THSD4: variants seen among roughly 807,000 people sequenced by gnomAD.
THSD4 encodes thrombospondin type-1 domain-containing protein 4.
A neutral mutation model predicts 119.0 loss-of-function variants in THSD4; 69 were observed. That is an observed-to-expected ratio of 0.58 (90% confidence interval 0.48 to 0.71). The LOEUF (loss-of-function observed/expected upper bound fraction) is 0.71. THSD4 is among the 30% of genes least tolerant of loss of function. THSD4 has a pLI of 0.00. For synonymous variants in THSD4, 524 were observed against 540.4 expected (o/e 0.97, Z 0.42); for missense variants, 1,393 against 1,391.1 (o/e 1.00, Z -0.02).
intron 7 of THSD4, among the ~76,000 whole-genome samples, chr15:71,634,206 AAAAG>A (rs775470886): frequency 2.7e-5 from 4 of 150,692 alleles, no homozygotes; most frequent in Non-Finnish European, 4.4e-5. Context: ...AAAAAAAAGA[AAAAG>A]AAAAAGAAAT....
rs556470949 is a variant in THSD4, at chr15:71,235,639, G to A, written c.465-7010G>A. Among the ~76,000 whole-genome samples, 104 of 144,520 alleles carry A rather than the reference G, an allele frequency of 7.2e-4. 1 individual carries two copies. The highest frequency in any genetic ancestry group is 1.1e-3 in the Non-Finnish European group (71 of 67,074). The allele number at this position is 144,520 out of a possible 152,430, so 94.8% of individuals were successfully genotyped here. ...GTCTTGCTCTGTTGCCCAGGCTGGC[G>A]TGCAGTGGCACGATCTCAGCTCACT... On this transcript the variant is annotated intron_variant, in intron 4 of 17. Coordinates refer to ENST00000261862, the MANE Select transcript of THSD4 (RefSeq NM_024817.3).
intron 8 of THSD4, among the ~76,000 whole-genome samples, chr15:71,678,277 G>A (rs1041950057): frequency 2.0e-5 from 3 of 152,184 alleles, no homozygotes; most frequent in South Asian, 2.1e-4. Context: ...TTTAAACAAC[G>A]TTTAATAAAT....
At chr15:71,484,617 A>G (rs1184147522) in intron 7 of THSD4, among the ~76,000 whole-genome samples, 2 of 152,194 alleles carry the variant, frequency 1.3e-5, no homozygotes, top group African/African-American at 2.4e-5. Flanking sequence ...GGAGGTTTGA[A>G]CTTGGGAAGG....
At chr15:71,663,216 C>A (rs951287277) in intron 8 of THSD4, among the ~76,000 whole-genome samples, 2 of 151,804 alleles carry the variant, frequency 1.3e-5, no homozygotes, top group Non-Finnish European at 2.9e-5. Flanking sequence ...CGTGCCACTG[C>A]ACTCCAGCCT....
At chr15:71,215,434 C>T in intron 4 of THSD4, 35 bp downstream of exon 4, 1 of 1,483,348 alleles carries the variant, frequency 6.7e-7, no homozygotes, top group Non-Finnish European at 8.9e-7. Context: ...CGCTCCCCGT[C>T]CCTGTCCCAG....
At position 71,779,475 on chromosome 15, in the gene THSD4, T is replaced by A. The variant is rs1484421646; in HGVS notation, c.*2101T>A. 1.3e-5 allele frequency: 2 copies of A among 152,196 alleles called. No individual in the cohort carries two copies. The highest frequency in any genetic ancestry group is 2.9e-5 in the Non-Finnish European group (2 of 68,054). 9.4% of individuals were successfully genotyped at this position (152,196 alleles called of 1,614,324 possible). On this transcript the variant is annotated 3_prime_UTR_variant, in exon 18 of 18. Coordinates refer to ENST00000261862, the MANE Select transcript of THSD4 (RefSeq NM_024817.3). ...ATGCTGGAGGGCAGGCTAAGATCAA[T>A]GAGTGGAAGAGAGAAAGGCTGTTTT...
At chr15:71,453,279 T>C (rs543351665) in intron 7 of THSD4, among the ~76,000 whole-genome samples, 26 of 151,722 alleles carry the variant, frequency 1.7e-4, no homozygotes, top group Non-Finnish European at 3.1e-4. Context: ...CTCTACAATG[T>C]AGCTTACAGG....
chr15:71,725,772 G>T (rs1465066222), intron 8 of THSD4, among the ~76,000 whole-genome samples: 1 of 152,128 alleles, frequency 6.6e-6, no homozygotes. Flanking sequence ...TTAGTGGGAA[G>T]TGAGAAAATG....
chr15:71,461,993 A>G (rs751846265), intron 7 of THSD4, among the ~76,000 whole-genome samples: 2 of 152,140 alleles, frequency 1.3e-5, no homozygotes, highest in African/African-American at 4.8e-5. Context: ...GCCAACTCCC[A>G]TGAGTTGGAA....
At chr15:71,100,611 T>C (rs899062642) in intron 1 of THSD4, among the ~76,000 whole-genome samples, 3 of 152,174 alleles carry the variant, frequency 2.0e-5, no homozygotes, top group South Asian at 2.1e-4. Context: ...TGAGCTAAGT[T>C]TGTGATAATT....
chr15:71,243,041 C>G lies in THSD4; in HGVS notation c.857C>G (p.Ser286Cys), dbSNP rs778201542. 3.1e-6 allele frequency: 5 copies of G among 1,614,098 alleles called. No homozygotes were observed. Among genetic ancestry groups the G allele is most frequent in the Admixed American group, 1.7e-5 (1 of 60,006 alleles). Reference protein sequence around the residue: ...ATQSFSQPARSTAISCIGAYR... With the variant: ...ATQSFSQPARCTAISCIGAYR... ...CAGAGCTTCTCTCAGCCTGCCCGAT[C>G]TACAGCAATCTCATGCATCGGGGCC... The change falls in exon 5 of 18, where the codon TCT becomes TGT. Residue 286 changes from serine to cysteine, a missense_variant. Ser to Cys is a moderately radical substitution (Grantham distance 112). Coordinates refer to ENST00000261862, the MANE Select transcript of THSD4 (RefSeq NM_024817.3).
At position 71,242,869 on chromosome 15, in the gene THSD4, A is replaced by G; in HGVS notation, c.685A>G (p.Ser229Gly). ...ACATGGGCCTTTGTACCAAAGTGAC[A>G]GTGGCCCTCGCTCTGGACTGCAGGC... The part of the protein sequence containing the change: ...PQHGPLYQSD[S>G]GPRSGLQAAE... Residue 229 changes from serine (S) to glycine (G), a missense_variant, in exon 5 of 18, where the codon AGT becomes GGT. By Grantham distance (56) the Ser-to-Gly change is moderately conservative (BLOSUM62 0). Transcript: ENST00000261862. The G allele has an allele frequency of 6.2e-7, 1 of 1,614,238 alleles. No homozygotes were observed. The highest frequency in any genetic ancestry group is 1.3e-5 in the African/African-American group (1 of 75,070).
chr15:71,562,585 ACCTG>A lies in THSD4; in HGVS notation c.1153-97944_1153-97941del, dbSNP rs2049143274. 1.4e-5 allele frequency among the ~76,000 whole-genome samples: 2 copies of A among 147,642 alleles called. 1 individual carries two copies. The highest frequency in any genetic ancestry group is 4.0e-4 in the East Asian group (2 of 5,036). On this transcript the variant is annotated intron_variant, in intron 7 of 17. Coordinates refer to ENST00000261862, the MANE Select transcript of THSD4 (RefSeq NM_024817.3). ...CTGGAAGTGTAGCAGAAAAGCAGGA[ACCTG>A]AGAACTGCCAGGGCCTAAATGTAAT...
At chr15:71,588,879 G>T (rs921806708) in intron 7 of THSD4, among the ~76,000 whole-genome samples, 1 of 152,178 alleles carries the variant, frequency 6.6e-6, no homozygotes, top group African/African-American at 2.4e-5. Flanking sequence ...GCAAAGACAG[G>T]AACAAGCAAT....
intron 7 of THSD4, among the ~76,000 whole-genome samples, chr15:71,583,375 C>A (rs1405232099): frequency 1.3e-5 from 2 of 151,296 alleles, no homozygotes. Context: ...TTTCATTGAT[C>A]TTTCTGTTGT....
At chr15:71,708,677 G>A (rs1321075541) in intron 8 of THSD4, among the ~76,000 whole-genome samples, 2 of 152,210 alleles carry the variant, frequency 1.3e-5, no homozygotes, top group African/African-American at 4.8e-5. Context: ...TTGCCAAACG[G>A]ATTTTCATTC....
chr15:71,749,395 G>A (rs1000897061), intron 14 of THSD4, among the ~76,000 whole-genome samples: 1 of 152,254 alleles, frequency 6.6e-6, no homozygotes, highest in Non-Finnish European at 1.5e-5. Flanking sequence ...GGGATGGCCA[G>A]TCAGAGGGTT....
rs995997676 is a variant in THSD4, at chr15:71,243,672, A to G, written c.912+576A>G. On this transcript the variant is annotated intron_variant, in intron 5 of 17. Transcript: ENST00000261862. Reference sequence around the variant, plus strand: ...TGTACTCATGCATATATATACAGGTATACCCACTTTGGATATCAGTTCAAT... The same window carrying G: ...TGTACTCATGCATATATATACAGGTGTACCCACTTTGGATATCAGTTCAAT... Among the ~76,000 whole-genome samples the G allele has an allele frequency of 4.6e-5, 7 of 152,064 alleles. No individual in the cohort carries two copies. In the East Asian group the frequency reaches 1.4e-3, roughly 29 times the overall value.
At chr15:71,151,409 T>A (rs992665555) in intron 2 of THSD4, among the ~76,000 whole-genome samples, 12 of 151,298 alleles carry the variant, frequency 7.9e-5, no homozygotes, top group African/African-American at 2.9e-4. Context: ...ACCACACCAA[T>A]CTGGTTTTCT....
Sources: gnomAD v4.1 joint callset for allele counts (sites outside exome capture counted in the v4.1 genomes callset) on GRCh38, gnomAD v4.1.1 for gene constraint, MANE v1.5 for transcripts, NCBI Gene and HGNC (gene_info 2026-07-23, HGNC 2026-07-21) for gene names.